The following CD226 variants were observed in gnomAD, a reference collection of about 807,000 sequenced individuals.
CD226 encodes CD226 molecule, also known as CD226 antigen.
In CD226, 24 loss-of-function variants were observed where a neutral mutation model predicts 34.9. That is an observed-to-expected ratio of 0.69 (90% CI 0.50 to 0.97). The LOEUF (loss-of-function observed/expected upper bound fraction) is 0.97. CD226 is among the 50% of genes least tolerant of loss of function. The pLI is 0.00. For missense variants in CD226, 397 were observed against 412.7 expected, an observed-to-expected ratio of 0.96 and a Z score of 0.33; for synonymous variants, 148 against 147.4, an observed-to-expected ratio of 1.00 and a Z score of -0.03.
intron 2 of CD226, among the ~76,000 whole-genome samples, chr18:69,927,363 T>TACACACAC (rs147765877): frequency 1.4e-3 from 201 of 147,624 alleles, no homozygotes; most frequent in African/African-American, 4.6e-3. Flanking sequence ...ACTAAGACAC[T>TACACACAC]ACACACACAC....
At position 69,914,062 on chromosome 18, in the gene CD226, A is replaced by C. The variant is rs115649550; in HGVS notation, c.383-18017T>G. On this transcript the variant is annotated intron_variant, in intron 2 of 5. Coordinates refer to ENST00000582621, the MANE Select transcript of CD226 (RefSeq NM_001303618.2). ...TGGAAAGCTGTCTCACTGTGATCAT[A>C]TTTTCATAGCATGATTTTGGAACAA... 4.6e-3 allele frequency among the ~76,000 whole-genome samples: 701 copies of C among 152,224 alleles called. 6 individuals carry two copies. The highest frequency in any genetic ancestry group is 0.016 in the African/African-American group (666 of 41,538).
At chr18:69,876,708 G>A (rs1983884701) in intron 3 of CD226, among the ~76,000 whole-genome samples, 2 of 152,126 alleles carry the variant, frequency 1.3e-5, no homozygotes, top group African/African-American at 2.4e-5. Context: ...CACCAGCTGA[G>A]TGTCCGCCAA....
At chr18:69,948,460 C>T (rs1269345512), upstream of CD226, among the ~76,000 whole-genome samples, 2 of 152,190 alleles carry the variant, frequency 1.3e-5, no homozygotes, top group African/African-American at 4.8e-5. Flanking sequence ...ACAATTTTAT[C>T]TAATGCCGAC....
At chr18:69,901,326 G>T (rs1276803043) in intron 2 of CD226, among the ~76,000 whole-genome samples, 1 of 152,122 alleles carries the variant, frequency 6.6e-6, no homozygotes, top group Non-Finnish European at 1.5e-5. Flanking sequence ...AGGGGTGAAG[G>T]TAATGATGGT....
At position 69,861,778 on chromosome 18, in the gene CD226, A is replaced by G. The variant is rs1469857; in HGVS notation, c.*2536T>C. On this transcript the variant is annotated 3_prime_UTR_variant, in exon 6 of 6. Coordinates refer to ENST00000582621, the MANE Select transcript of CD226 (RefSeq NM_001303618.2). Reference sequence around the variant, plus strand: ...AGAGTCCCAAAACTATCACGAATTAAGAATGATGTTAAAAAGATGACAATG... The same window carrying G: ...AGAGTCCCAAAACTATCACGAATTAGGAATGATGTTAAAAAGATGACAATG... The G allele has an allele frequency of 0.85, 128,208 of 151,516 alleles. 55,347 individuals are homozygous for G. Among genetic ancestry groups the G allele is most frequent in the East Asian group, 0.97 (5,012 of 5,160 alleles). 9.4% of individuals were successfully genotyped at this position (151,516 alleles called of 1,614,324 possible).
upstream of CD226, among the ~76,000 whole-genome samples, chr18:69,950,943 A>G (rs2055847655): frequency 6.6e-6 from 1 of 151,380 alleles, no homozygotes. Context: ...TATGACAAAT[A>G]GAAGCTATTG....
intron 2 of CD226, among the ~76,000 whole-genome samples, chr18:69,943,414 G>A (rs890278258): frequency 6.6e-6 from 1 of 152,152 alleles, no homozygotes; most frequent in African/African-American, 2.4e-5. Context: ...CACAAACTAG[G>A]TAAAAACAAA....
At chr18:69,942,897 T>G (rs974518951) in intron 2 of CD226, among the ~76,000 whole-genome samples, 1 of 152,220 alleles carries the variant, frequency 6.6e-6, no homozygotes, top group African/African-American at 2.4e-5. Context: ...CTGTCTTCTC[T>G]CTTCCCCAGA....
At chr18:69,910,042 TGA>T (rs1352309793) in intron 2 of CD226, among the ~76,000 whole-genome samples, 3 of 152,220 alleles carry the variant, frequency 2.0e-5, no homozygotes, top group Non-Finnish European at 4.4e-5. Flanking sequence ...GTGCTCTGAA[TGA>T]GAGTTGAACA....
intron 3 of CD226, among the ~76,000 whole-genome samples, chr18:69,881,914 T>C (rs1349200257): frequency 2.0e-5 from 3 of 152,216 alleles, no homozygotes; most frequent in Non-Finnish European, 2.9e-5. Context: ...TTTTCAAAGG[T>C]CAACTTTCTT....
chr18:69,860,600 A>T lies in CD226; in HGVS notation c.*3714T>A, dbSNP rs754004043. The stretch of plus-strand genomic sequence containing the variant: ...AATCACTAGAAATAGAGAAGCTTTT[A>T]AAAAAATTAACTTGTTTTTAGTTTT... On this transcript the variant is annotated 3_prime_UTR_variant, in exon 6 of 6. Coordinates refer to ENST00000582621, the MANE Select transcript of CD226 (RefSeq NM_001303618.2). 2.6e-5 allele frequency: 4 copies of T among 152,126 alleles called. No homozygotes were observed. The highest frequency in any genetic ancestry group is 4.4e-5 in the Non-Finnish European group (3 of 68,002). 9.4% of individuals were successfully genotyped at this position (152,126 alleles called of 1,614,324 possible). A position where few individuals can be genotyped will look rare whatever the true frequency, so the allele number is the denominator to read the frequency against.
At chr18:69,914,509 T>C (rs1190223215) in intron 2 of CD226, among the ~76,000 whole-genome samples, 1 of 152,218 alleles carries the variant, frequency 6.6e-6, no homozygotes, top group African/African-American at 2.4e-5. Context: ...AGTTCCGTAT[T>C]TGTGCCAAGT....
At position 69,870,320 on chromosome 18, in the gene CD226, G is replaced by C. The variant is rs1983440421; in HGVS notation, c.830+2824C>G. On this transcript the variant is annotated intron_variant, in intron 4 of 5. Coordinates refer to ENST00000582621, the MANE Select transcript of CD226 (RefSeq NM_001303618.2). ...GACAGAGTCTTACTCTGTTACCCAG[G>C]CTGGAGTACAGTGGTGCAATCTTGG... 1.4e-5 allele frequency among the ~76,000 whole-genome samples: 2 copies of C among 142,046 alleles called. 1 individual carries two copies. The highest frequency in any genetic ancestry group is 5.3e-5 in the African/African-American group (2 of 37,878). The allele number at this position is 142,046 out of a possible 152,430, so 93.2% of individuals were successfully genotyped here. A position where few individuals can be genotyped will look rare whatever the true frequency, so the allele number is the denominator to read the frequency against.
chr18:69,917,264 T>C (rs1025718891), intron 2 of CD226, among the ~76,000 whole-genome samples: 1 of 152,224 alleles, frequency 6.6e-6, no homozygotes, highest in Non-Finnish European at 1.5e-5. Context: ...GAAGTAGTCA[T>C]GGTTTCTCCA....
intron 2 of CD226, among the ~76,000 whole-genome samples, chr18:69,922,078 G>A (rs1171447893): frequency 6.6e-6 from 1 of 152,114 alleles, no homozygotes; most frequent in Admixed American, 6.5e-5. Context: ...GCACTAAGGT[G>A]TACAAAAGTC....
At chr18:69,899,494 A>G (rs918207422) in intron 2 of CD226, among the ~76,000 whole-genome samples, 6 of 152,236 alleles carry the variant, frequency 3.9e-5, no homozygotes, top group African/African-American at 1.4e-4. Context: ...AAAATTTGCC[A>G]ACCTAAAGAA....
At chr18:69,911,145 C>G (rs2055319422) in intron 2 of CD226, among the ~76,000 whole-genome samples, 1 of 152,216 alleles carries the variant, frequency 6.6e-6, no homozygotes, top group South Asian at 2.1e-4. Flanking sequence ...ATTTCTCTGT[C>G]TTCCTTGAGA....
chr18:69,874,300 G>C (rs1226244823), intron 3 of CD226, among the ~76,000 whole-genome samples: 1 of 152,186 alleles, frequency 6.6e-6, no homozygotes, highest in Non-Finnish European at 1.5e-5. Context: ...TGAGGTCAGA[G>C]AACATTTTAT....
intron 3 of CD226, among the ~76,000 whole-genome samples, chr18:69,885,276 T>C (rs1984491873): frequency 6.6e-6 from 1 of 152,198 alleles, no homozygotes; most frequent in Non-Finnish European, 1.5e-5. Context: ...AACATAAGTG[T>C]TCAGAATGTT....
Sources: gnomAD v4.1 joint callset for allele counts (sites outside exome capture counted in the v4.1 genomes callset) on GRCh38, gnomAD v4.1.1 for gene constraint, MANE v1.5 for transcripts, NCBI Gene and HGNC (gene_info 2026-07-23, HGNC 2026-07-21) for gene names.